Variants in TRPC4 observed in about 807,000 individuals in gnomAD.
The protein encoded by TRPC4 is transient receptor potential cation channel subfamily C member 4.
In TRPC4, 49 loss-of-function variants were observed where a neutral mutation model predicts 99.4. The observed-to-expected ratio is 0.49, with a 90% confidence interval of 0.39 to 0.63. The LOEUF is 0.63. Ranked by LOEUF, TRPC4 falls within the 20% of genes least tolerant of loss-of-function variation. The probability of loss-of-function intolerance (pLI) is 0.00; values close to 1 mark genes in which losing one functional copy is unlikely to be tolerated. For synonymous variants in TRPC4, 454 were observed against 425.9 expected, an observed-to-expected ratio of 1.07 and a Z score of -0.81; for missense variants, 898 against 1,152.9, an observed-to-expected ratio of 0.78 and a Z score of 3.20.
rs1286349473 is a variant in TRPC4, at chr13:37,692,057, C to T, written c.1176G>A (p.Leu392=). 1 of 1,613,840 alleles carries T rather than the reference C, an allele frequency of 6.2e-7. No homozygotes were observed. Among genetic ancestry groups the T allele is most frequent in the East Asian group, 2.2e-5 (1 of 44,858 alleles). ...LASQHIDRSD[L]NRQGPPPTIV... ...TGGTTGGTGGTGGACCTTGCCTGTT[C>T]AAGTCTGACCTGTCGATGTGCTGAG... The change falls in exon 4 of 11, where the codon TTG becomes TTA. Residue 392 remains leucine (L), a synonymous_variant. Transcript: ENST00000379705.
At chr13:37,793,921 A>G (rs867947530) in intron 1 of TRPC4, among the ~76,000 whole-genome samples, 54 of 152,154 alleles carry the variant, frequency 3.5e-4, no homozygotes, top group Admixed American at 8.5e-4. Flanking sequence ...ATAAAAGTAA[A>G]CACAATTCTG....
intron 3 of TRPC4, among the ~76,000 whole-genome samples, chr13:37,739,416 T>C (rs1955510377): frequency 6.6e-6 from 1 of 152,130 alleles, no homozygotes; most frequent in Admixed American, 6.6e-5. Context: ...ACTATGGTGT[T>C]TTCTCTCATG....
intron 5 of TRPC4, among the ~76,000 whole-genome samples, chr13:37,671,109 G>A (rs973289038): frequency 6.6e-6 from 1 of 152,124 alleles, no homozygotes; most frequent in Non-Finnish European, 1.5e-5. Context: ...CAGATCAAAA[G>A]CTGTTTCTTA....
intron 3 of TRPC4, among the ~76,000 whole-genome samples, chr13:37,736,745 T>C (rs1198697277): frequency 6.6e-6 from 1 of 152,058 alleles, no homozygotes; most frequent in Non-Finnish European, 1.5e-5. Context: ...CTTTTTCTTT[T>C]TGAGACAGGG....
chr13:37,645,363 C>T (rs1286923413), intron 8 of TRPC4, among the ~76,000 whole-genome samples: 2 of 152,130 alleles, frequency 1.3e-5, no homozygotes, highest in African/African-American at 2.4e-5. Flanking sequence ...AAAGAGAGGT[C>T]TCTGGAGAGT....
At chr13:37,868,019 A>G (rs1032812175) in intron 1 of TRPC4, among the ~76,000 whole-genome samples, 1 of 152,150 alleles carries the variant, frequency 6.6e-6, no homozygotes, top group African/African-American at 2.4e-5. Flanking sequence ...ATTAATACAC[A>G]GTATGAATCG....
chr13:37,634,977 T>G lies in TRPC4; in HGVS notation c.*1926A>C, dbSNP rs895302057. On this transcript the variant is annotated 3_prime_UTR_variant, in exon 11 of 11. Transcript: ENST00000379705. Reference sequence around the variant, plus strand: ...GGAGTGAACAGGGGCTTAGTGCTCCTGGCTTTTCTGAAAATTAAAATCTAG... The same window carrying G: ...GGAGTGAACAGGGGCTTAGTGCTCCGGGCTTTTCTGAAAATTAAAATCTAG... 2.6e-5 allele frequency among the ~76,000 whole-genome samples: 4 copies of G among 152,142 alleles called. No homozygotes were observed. The highest frequency in any genetic ancestry group is 9.6e-5 in the African/African-American group (4 of 41,456).
intron 1 of TRPC4, among the ~76,000 whole-genome samples, chr13:37,829,271 C>G (rs1958339149): frequency 6.6e-6 from 1 of 152,068 alleles, no homozygotes; most frequent in Non-Finnish European, 1.5e-5. Context: ...TATAAAAAGG[C>G]AAATATTCAG....
chr13:37,788,571 T>TC (rs141313225), intron 1 of TRPC4, among the ~76,000 whole-genome samples: 9,680 of 152,004 alleles, frequency 0.064, 434 homozygotes, highest in Non-Finnish European at 0.094. Flanking sequence ...CTGCCAGTCT[T>TC]CCCTAATGCT....
chr13:37,718,076 T>C (rs1446144150), intron 3 of TRPC4, among the ~76,000 whole-genome samples: 1 of 151,690 alleles, frequency 6.6e-6, no homozygotes, highest in African/African-American at 2.4e-5. Flanking sequence ...CCTACAAAAA[T>C]ATATGACAGT....
At chr13:37,801,416 A>G (rs1278214511) in intron 1 of TRPC4, among the ~76,000 whole-genome samples, 10 of 152,164 alleles carry the variant, frequency 6.6e-5, no homozygotes, top group African/African-American at 1.2e-4. Flanking sequence ...ATAACTGTGC[A>G]GCATTAAACA....
In TRPC4 at chr13:37,632,719, G is replaced by A. The variant is rs1321376390; in HGVS notation, c.*4184C>T. On this transcript the variant is annotated 3_prime_UTR_variant, in exon 11 of 11. Coordinates refer to ENST00000379705, the MANE Select transcript of TRPC4 (RefSeq NM_016179.4). ...TAATACATTTTATTATTACCAGTAT[G>A]CATACAGGTTATCATAAAATCTACA... Among the ~76,000 whole-genome samples, 1 of 151,936 alleles carries A rather than the reference G, an allele frequency of 6.6e-6. No homozygotes were observed. Among genetic ancestry groups the A allele is most frequent in the Non-Finnish European group, 1.5e-5 (1 of 67,970 alleles).
chr13:37,768,679 C>CACAT (rs1761888167), intron 2 of TRPC4, among the ~76,000 whole-genome samples: 1 of 150,736 alleles, frequency 6.6e-6, no homozygotes, highest in African/African-American at 2.4e-5. Context: ...CACGCACACA[C>CACAT]ACACACACAC....
chr13:37,839,818 T>A (rs1958683735), intron 1 of TRPC4, among the ~76,000 whole-genome samples: 1 of 152,142 alleles, frequency 6.6e-6, no homozygotes, highest in South Asian at 2.1e-4. Context: ...ACAAGTCAAA[T>A]GAAAGACATT....
chr13:37,766,808 C>T (rs1199311216), intron 2 of TRPC4, among the ~76,000 whole-genome samples: 1 of 151,454 alleles, frequency 6.6e-6, no homozygotes, highest in Non-Finnish European at 1.5e-5. Context: ...GAAAACGTCA[C>T]TGACTGTCTA....
At chr13:37,716,221 A>G (rs1445708934) in intron 3 of TRPC4, among the ~76,000 whole-genome samples, 1 of 152,154 alleles carries the variant, frequency 6.6e-6, no homozygotes, top group Non-Finnish European at 1.5e-5. Flanking sequence ...AGATGGAATA[A>G]TGCTTTGGCA....
chr13:37,691,982 T>C lies in TRPC4; in HGVS notation c.1234+17A>G, dbSNP rs182386861. On this transcript the variant is annotated intron_variant, in intron 4 of 10. Coordinates refer to ENST00000379705, the MANE Select transcript of TRPC4 (RefSeq NM_016179.4). The stretch of plus-strand genomic sequence containing the variant: ...AGTAACATGTTTTTATTATATTTTC[T>C]ATAGTAACACATTTACCCAGGACCC... 6.9e-5 allele frequency: 109 copies of C among 1,588,992 alleles called. No homozygotes were observed. The African/African-American group carries it at 1.4e-3, about 20-fold the overall frequency.
intron 5 of TRPC4, among the ~76,000 whole-genome samples, chr13:37,667,863 T>C (rs1471766773): frequency 2.0e-5 from 3 of 152,248 alleles, no homozygotes; most frequent in Non-Finnish European, 4.4e-5. Flanking sequence ...TCCATGAACA[T>C]TGTACCATTT....
At chr13:37,828,209 G>T (rs1212968011) in intron 1 of TRPC4, among the ~76,000 whole-genome samples, 1 of 152,174 alleles carries the variant, frequency 6.6e-6, no homozygotes, top group African/African-American at 2.4e-5. Context: ...TACCTCAGAT[G>T]GAAATGCAGA....
Sources: allele counts gnomAD v4.1 joint callset (sites outside exome capture counted in the v4.1 genomes callset), GRCh38; gene constraint gnomAD v4.1.1; transcripts MANE v1.5; gene names NCBI Gene and HGNC (gene_info 2026-07-23, HGNC 2026-07-21).